The following NLGN1 variants were observed in gnomAD, a reference collection of about 807,000 sequenced individuals.
NLGN1 encodes the protein neuroligin 1.
NLGN1 carries 12 observed loss-of-function variants against 65.5 expected under a neutral mutation model. The ratio of observed to expected loss-of-function variants is 0.18; its 90% CI spans 0.12 to 0.30. The LOEUF is 0.30. NLGN1 is among the 10% of genes least tolerant of loss of function. NLGN1 has a pLI of 1.00. For missense variants in NLGN1, 750 were observed against 1,007.1 expected (o/e 0.74, Z 3.46); for synonymous variants, 350 against 359.5 (o/e 0.97, Z 0.30).
intron 4 of NLGN1, among the ~76,000 whole-genome samples, chr3:173,843,732 C>T (rs1353253081): frequency 6.6e-6 from 1 of 152,170 alleles, no homozygotes; most frequent in African/African-American, 2.4e-5. Context: ...TGGGCAAAGC[C>T]ATTCAACAAG....
intron 4 of NLGN1, among the ~76,000 whole-genome samples, chr3:174,077,515 A>G (rs1225517150): frequency 2.0e-5 from 3 of 152,050 alleles, no homozygotes; most frequent in East Asian, 1.9e-4. Context: ...GGAAATATAT[A>G]TATTTAGACT....
At chr3:173,845,930 C>T (rs965967552) in intron 4 of NLGN1, among the ~76,000 whole-genome samples, 1 of 151,948 alleles carries the variant, frequency 6.6e-6, no homozygotes, top group African/African-American at 2.4e-5. Flanking sequence ...ATGTGTTACT[C>T]ATCTCTAGGA....
intron 4 of NLGN1, among the ~76,000 whole-genome samples, chr3:173,976,463 G>A (rs1717496269): frequency 6.6e-6 from 1 of 151,998 alleles, no homozygotes; most frequent in Non-Finnish European, 1.5e-5. Context: ...ATGAAGATGT[G>A]GGTCAGCATA....
intron 4 of NLGN1, among the ~76,000 whole-genome samples, chr3:173,856,805 A>T (rs555535755): frequency 6.6e-6 from 1 of 152,240 alleles, no homozygotes; most frequent in African/African-American, 2.4e-5. Context: ...TTAAAATATT[A>T]TCATAAAGCC....
At chr3:173,718,883 T>A (rs1390599863) in intron 3 of NLGN1, among the ~76,000 whole-genome samples, 3 of 152,238 alleles carry the variant, frequency 2.0e-5, no homozygotes, top group African/African-American at 7.2e-5. Flanking sequence ...GTTTTATGAT[T>A]GGTGAACTGA....
chr3:173,414,834 T>G (rs1713351884), intron 1 of NLGN1, among the ~76,000 whole-genome samples: 1 of 152,142 alleles, frequency 6.6e-6, no homozygotes, highest in South Asian at 2.1e-4. Context: ...CAAGAGGGTG[T>G]GCAGCCTAGA....
chr3:174,081,382 A>G (rs1742165954), intron 4 of NLGN1, among the ~76,000 whole-genome samples: 1 of 152,104 alleles, frequency 6.6e-6, no homozygotes, highest in Admixed American at 6.5e-5. Flanking sequence ...GTTCAAGATC[A>G]AGGCACCCGA....
At chr3:173,683,895 A>G (rs576056218) in intron 3 of NLGN1, among the ~76,000 whole-genome samples, 1 of 152,284 alleles carries the variant, frequency 6.6e-6, no homozygotes, top group East Asian at 1.9e-4. Context: ...GCCAAGTCAC[A>G]TGCTGGGAAA....
chr3:173,447,076 C>A (rs1720504599), intron 2 of NLGN1, among the ~76,000 whole-genome samples: 1 of 152,136 alleles, frequency 6.6e-6, no homozygotes, highest in Admixed American at 6.6e-5. Context: ...GAATTAGAAC[C>A]CATTTGTCAA....
At chr3:173,396,759 A>ACTTCCTATT (rs1716690130), upstream of NLGN1, 3 of 152,152 alleles carry the variant, frequency 2.0e-5, no homozygotes, top group Non-Finnish European at 4.4e-5. Context: ...ATTGCCGAGA[A>ACTTCCTATT]CTTCCTATTC....
exon 7 of NLGN1, chr3:174,281,418 A>G (rs1391918587): frequency 1.5e-6 from 1 of 688,220 alleles, no homozygotes; most frequent in African/African-American, 1.8e-5. Context: ...ATATTATGTG[A>G]ATATACATAT....
intron 4 of NLGN1, among the ~76,000 whole-genome samples, chr3:173,824,431 T>C (rs1720919892): frequency 6.6e-6 from 1 of 152,120 alleles, no homozygotes; most frequent in Non-Finnish European, 1.5e-5. Flanking sequence ...TAGGTGCATG[T>C]AATCAATTAT....
intron 1 of NLGN1, among the ~76,000 whole-genome samples, chr3:173,423,819 G>A (rs966110612): frequency 6.6e-6 from 1 of 152,152 alleles, no homozygotes; most frequent in Non-Finnish European, 1.5e-5. Flanking sequence ...GAGGGTGGTG[G>A]CCCTCTTCTC....
intron 3 of NLGN1, among the ~76,000 whole-genome samples, chr3:173,693,926 C>G (rs767769386): frequency 1.3e-5 from 2 of 151,806 alleles, no homozygotes; most frequent in Non-Finnish European, 2.9e-5. Context: ...ATTCATGCTA[C>G]AAATTAAAAT....
chr3:173,747,433 C>G (rs1158689071), intron 3 of NLGN1, among the ~76,000 whole-genome samples: 6 of 147,034 alleles, frequency 4.1e-5, no homozygotes, highest in Non-Finnish European at 6.0e-5. Context: ...TAAAACAGAG[C>G]CTGGCACATA....
rs565158680 is a variant in NLGN1 at position 173,938,967 on chromosome 3, G to A, written c.646+131135G>A. Reference sequence around the variant, plus strand: ...TAAGTAAATCAATGCTTTCCAAACCGAGCTTGTCAACACAATGACCAGAGG... The same window carrying A: ...TAAGTAAATCAATGCTTTCCAAACCAAGCTTGTCAACACAATGACCAGAGG... On this transcript the variant is annotated intron_variant, in intron 4 of 6. Coordinates refer to ENST00000457714, the Ensembl canonical transcript of NLGN1. Among the ~76,000 whole-genome samples the A allele has an allele frequency of 7.2e-4, 109 of 152,154 alleles. No homozygotes were observed. In the South Asian group the frequency reaches 9.8e-3, roughly 14 times the overall value.
At chr3:174,016,406 C>T (rs895412482) in intron 4 of NLGN1, among the ~76,000 whole-genome samples, 2 of 152,186 alleles carry the variant, frequency 1.3e-5, no homozygotes, top group African/African-American at 4.8e-5. Context: ...CTGATTCACA[C>T]AGCATTGCAA....
chr3:173,474,436 CTA>C (rs1279688231), intron 2 of NLGN1, among the ~76,000 whole-genome samples: 1 of 152,070 alleles, frequency 6.6e-6, no homozygotes, highest in African/African-American at 2.4e-5. Context: ...ATATCTATAT[CTA>C]TATGTGTGTG....
intron 4 of NLGN1, among the ~76,000 whole-genome samples, chr3:174,077,572 T>TA (rs1176851091): frequency 1.3e-5 from 2 of 152,024 alleles, no homozygotes; most frequent in African/African-American, 2.4e-5. Context: ...TTTATTTATT[T>TA]TTTTTGAGAT....
Sources: gnomAD v4.1 joint callset for allele counts (sites outside exome capture counted in the v4.1 genomes callset) on GRCh38, gnomAD v4.1.1 for gene constraint, MANE v1.5 for transcripts, NCBI Gene and HGNC (gene_info 2026-07-23, HGNC 2026-07-21) for gene names.